The following MARCHF1 variants were observed in gnomAD, a reference collection of about 807,000 sequenced individuals.
MARCHF1 encodes membrane associated ring-CH-type finger 1.
In MARCHF1, 40 loss-of-function variants were observed where a neutral mutation model predicts 54.2. The observed-to-expected ratio is 0.74, with a 90% CI of 0.57 to 0.96. The LOEUF (loss-of-function observed/expected upper bound fraction) is 0.96. Ranked by LOEUF, MARCHF1 falls within the 40% of genes least tolerant of loss-of-function variation. The pLI is 0.00. For synonymous variants in MARCHF1, 236 were observed against 236.3 expected (o/e 1.00, Z 0.01); for missense variants, 586 against 656.5 (o/e 0.89, Z 1.17).
chr4:164,245,596 C>T (rs1264852372), intron 1 of MARCHF1, among the ~76,000 whole-genome samples: 1 of 151,752 alleles, frequency 6.6e-6, no homozygotes, highest in Non-Finnish European at 1.5e-5. Flanking sequence ...GAAGTTCTGG[C>T]CAGGGCAATC....
At chr4:163,828,788 G>A (rs1323657439) in intron 4 of MARCHF1, 1 of 152,170 alleles carries the variant, frequency 6.6e-6, no homozygotes, top group African/African-American at 2.4e-5. Flanking sequence ...TGTATAACAG[G>A]AGAGTGTAAG....
chr4:163,601,812 G>T (rs1560967517), intron 7 of MARCHF1, among the ~76,000 whole-genome samples: 2 of 151,758 alleles, frequency 1.3e-5, no homozygotes, highest in African/African-American at 2.4e-5. Flanking sequence ...GGCACAACTT[G>T]TTAAATAATT....
At chr4:163,587,625 G>A (rs1330423310) in intron 7 of MARCHF1, among the ~76,000 whole-genome samples, 1 of 152,088 alleles carries the variant, frequency 6.6e-6, no homozygotes, top group African/African-American at 2.4e-5. Context: ...GCGGGGGAGG[G>A]TGGTGGGAAG....
intron 2 of MARCHF1, among the ~76,000 whole-genome samples, chr4:164,002,263 TCAAAGAGTCCAAAAATG>T (rs1753199637): frequency 6.6e-6 from 1 of 151,438 alleles, no homozygotes; most frequent in South Asian, 2.1e-4. Context: ...GTCAGTGATG[TCAAAGAGTCCAAAAATG>T]GAGACGATTA....
chr4:163,749,176 T>C (rs1404202569), intron 4 of MARCHF1, among the ~76,000 whole-genome samples: 1 of 152,054 alleles, frequency 6.6e-6, no homozygotes, highest in African/African-American at 2.4e-5. Flanking sequence ...GTAAGTGGTA[T>C]TGATTTCACG....
At chr4:164,275,987 C>T (rs370922154) in intron 1 of MARCHF1, among the ~76,000 whole-genome samples, 12 of 152,230 alleles carry the variant, frequency 7.9e-5, no homozygotes, top group East Asian at 1.9e-4. Flanking sequence ...TCTATCTCAA[C>T]TGGATCTATC....
intron 2 of MARCHF1, among the ~76,000 whole-genome samples, chr4:164,082,998 T>C (rs986863386): frequency 2.6e-5 from 4 of 152,346 alleles, no homozygotes; most frequent in African/African-American, 9.6e-5. Flanking sequence ...AAATTATTTG[T>C]TAAAATCTGT....
chr4:164,043,566 T>G (rs6816621), intron 2 of MARCHF1, among the ~76,000 whole-genome samples: 79,324 of 151,810 alleles, frequency 0.52, 21,763 homozygotes, highest in Middle Eastern at 0.69. Context: ...TGATGGGAGG[T>G]GCTGCTGTAA....
intron 1 of MARCHF1, among the ~76,000 whole-genome samples, chr4:164,187,106 C>T (rs758771018): frequency 2.6e-5 from 4 of 151,832 alleles, no homozygotes; most frequent in Non-Finnish European, 4.4e-5. Flanking sequence ...TTATGGGCAC[C>T]GGGTGCACTT....
At chr4:164,285,164 A>G (rs1288054829) in intron 1 of MARCHF1, among the ~76,000 whole-genome samples, 1 of 152,178 alleles carries the variant, frequency 6.6e-6, no homozygotes, top group Non-Finnish European at 1.5e-5. Flanking sequence ...AACAATCATA[A>G]TAAGACATGT....
At chr4:163,533,572 A>G (rs1738428115) in intron 9 of MARCHF1, among the ~76,000 whole-genome samples, 1 of 151,714 alleles carries the variant, frequency 6.6e-6, no homozygotes, top group South Asian at 2.1e-4. Flanking sequence ...TGTTAATAAC[A>G]GGAGAAACCT....
chr4:163,528,933 G>C lies in MARCHF1; in HGVS notation c.1453C>G (p.Leu485Val). The change falls in exon 10 of 10, where the codon CTG becomes GTG. Residue 485 changes from leucine to valine, a missense_variant. Coordinates refer to ENST00000514618, the MANE Select transcript of MARCHF1 (RefSeq NM_001394959.1). ...AAGATCACACGGTTGTAGGCCTTCA[G>C]CCTGCGCCACAACTGAACATAGACT... ...CKVYVQLWRR[L>V]KAYNRVIFVQ... The C allele has an allele frequency of 6.2e-7, 1 of 1,613,332 alleles. No homozygotes were observed. The highest frequency in any genetic ancestry group is 8.5e-7 in the Non-Finnish European group (1 of 1,179,560).
chr4:164,254,937 A>G (rs1256380787), intron 1 of MARCHF1, among the ~76,000 whole-genome samples: 1 of 152,174 alleles, frequency 6.6e-6, no homozygotes, highest in Non-Finnish European at 1.5e-5. Flanking sequence ...AATCCAATCA[A>G]GTTGACAGTA....
At chr4:164,272,465 TGTAA>T (rs1272336565) in intron 1 of MARCHF1, among the ~76,000 whole-genome samples, 8 of 152,048 alleles carry the variant, frequency 5.3e-5, no homozygotes, top group Admixed American at 2.0e-4. Context: ...TACATATGAA[TGTAA>T]GTGTCAGCAA....
chr4:163,600,562 T>A (rs1247286998), intron 7 of MARCHF1, among the ~76,000 whole-genome samples: 2 of 152,142 alleles, frequency 1.3e-5, no homozygotes, highest in African/African-American at 4.8e-5. Flanking sequence ...ATTTTGACAG[T>A]CTATATGGCT....
chr4:163,697,918 C>T (rs544081040), intron 5 of MARCHF1, among the ~76,000 whole-genome samples: 1 of 152,226 alleles, frequency 6.6e-6, no homozygotes, highest in Non-Finnish European at 1.5e-5. Context: ...ATATTATAGA[C>T]CATGTTCCAA....
At chr4:164,362,998 T>C (rs1162302434) in intron 1 of MARCHF1, among the ~76,000 whole-genome samples, 1 of 152,178 alleles carries the variant, frequency 6.6e-6, no homozygotes, top group Non-Finnish European at 1.5e-5. Context: ...ACATAATTGC[T>C]GTAGTCTGCA....
intron 3 of MARCHF1, among the ~76,000 whole-genome samples, chr4:163,887,293 T>G (rs1226975639): frequency 6.6e-6 from 1 of 152,102 alleles, no homozygotes; most frequent in African/African-American, 2.4e-5. Flanking sequence ...TATGGGAATT[T>G]TCTATTGAAA....
At chr4:164,141,322 C>T (rs1428118208) in intron 1 of MARCHF1, among the ~76,000 whole-genome samples, 2 of 152,142 alleles carry the variant, frequency 1.3e-5, no homozygotes, top group Admixed American at 6.5e-5. Context: ...TGTGATCAAC[C>T]AATGTTGACT....
Sources: gnomAD v4.1 joint callset for allele counts (sites outside exome capture counted in the v4.1 genomes callset) on GRCh38, gnomAD v4.1.1 for gene constraint, MANE v1.5 for transcripts, NCBI Gene and HGNC (gene_info 2026-07-23, HGNC 2026-07-21) for gene names.